Variants in ADGRV1 observed in about 807,000 individuals in gnomAD.
The protein encoded by ADGRV1 is adhesion G protein-coupled receptor V1.
In ADGRV1, 359 loss-of-function variants were observed where a neutral mutation model predicts 596.2. The ratio of observed to expected loss-of-function variants is 0.60; its 90% CI spans 0.55 to 0.66. The LOEUF (loss-of-function observed/expected upper bound fraction) is 0.66, where lower values mean the gene tolerates loss of function less well. Ranked by LOEUF, ADGRV1 falls within the 30% of genes least tolerant of loss-of-function variation. The probability of loss-of-function intolerance (pLI) is 0.00; values close to 1 mark genes in which losing one functional copy is unlikely to be tolerated. For synonymous variants in ADGRV1, 2,681 were observed against 2,679.2 expected (o/e 1.00, Z -0.02); for missense variants, 7,274 against 7,575.6 (o/e 0.96, Z 1.48).
intron 74 of ADGRV1, among the ~76,000 whole-genome samples, chr5:90,814,264 A>G (rs1762702590): frequency 1.3e-5 from 2 of 152,174 alleles, no homozygotes; most frequent in Admixed American, 1.3e-4. Flanking sequence ...GGGGCTCCAC[A>G]TTTACTTTAA....
intron 1 of ADGRV1, among the ~76,000 whole-genome samples, chr5:90,594,967 G>A (rs1388839523): frequency 3.2e-4 from 48 of 147,966 alleles, no homozygotes; most frequent in Non-Finnish European, 3.4e-4. Flanking sequence ...AGCCGCCATT[G>A]TCATCCTGGC....
chr5:90,576,149 A>G (rs1019386565), intron 1 of ADGRV1, among the ~76,000 whole-genome samples: 1 of 152,088 alleles, frequency 6.6e-6, no homozygotes, highest in African/African-American at 2.4e-5. Context: ...GTTCTAGGGT[A>G]CATGTGCACA....
intron 83 of ADGRV1, among the ~76,000 whole-genome samples, chr5:90,956,214 A>G (rs559077980): frequency 5.3e-5 from 8 of 152,304 alleles, no homozygotes; most frequent in African/African-American, 1.9e-4. Context: ...AAATAAGTTT[A>G]CTGTACAATT....
At chr5:91,060,848 T>C (rs768713867) in intron 85 of ADGRV1, among the ~76,000 whole-genome samples, 2 of 152,238 alleles carry the variant, frequency 1.3e-5, no homozygotes, top group African/African-American at 4.8e-5. Context: ...GTCAGTGTAA[T>C]GTGGCTACTG....
intron 6 of ADGRV1, 75 bp downstream of exon 6, chr5:90,625,318 A>G: frequency 4.5e-6 from 4 of 882,936 alleles, no homozygotes; most frequent in Non-Finnish European, 5.5e-6. Flanking sequence ...AACTTAGTGT[A>G]TTGTGGCCAG....
At chr5:90,866,468 T>C (rs2438345) in intron 83 of ADGRV1, among the ~76,000 whole-genome samples, 90,813 of 151,674 alleles carry the variant, frequency 0.6, 27,608 homozygotes, top group East Asian at 0.83. Flanking sequence ...CTATAAAATA[T>C]CAGTAGGTGG....
chr5:90,574,006 G>A (rs1332406705), intron 1 of ADGRV1, among the ~76,000 whole-genome samples: 1 of 152,072 alleles, frequency 6.6e-6, no homozygotes, highest in Non-Finnish European at 1.5e-5. Flanking sequence ...TGTTCCATTG[G>A]TCTTTGTTTC....
intron 86 of ADGRV1, among the ~76,000 whole-genome samples, chr5:91,099,633 C>T (rs187745594): frequency 5.3e-5 from 8 of 152,098 alleles, no homozygotes; most frequent in Non-Finnish European, 7.4e-5. Flanking sequence ...TAGCGGGGTG[C>T]GGTGGCTCAC....
chr5:90,871,281 T>G (rs1264853974), intron 83 of ADGRV1, among the ~76,000 whole-genome samples: 1 of 152,100 alleles, frequency 6.6e-6, no homozygotes, highest in Non-Finnish European at 1.5e-5. Context: ...AAATATTATT[T>G]TATTTTTGCT....
intron 21 of ADGRV1, among the ~76,000 whole-genome samples, chr5:90,669,462 T>C (rs1220779786): frequency 6.6e-6 from 1 of 152,156 alleles, no homozygotes; most frequent in African/African-American, 2.4e-5. Context: ...AAGGACTTGG[T>C]CGTTGACACT....
At chr5:91,102,544 C>T (rs891287040) in intron 87 of ADGRV1, among the ~76,000 whole-genome samples, 1 of 152,176 alleles carries the variant, frequency 6.6e-6, no homozygotes, top group Non-Finnish European at 1.5e-5. Flanking sequence ...GCTCATTATA[C>T]AATTAGGGAA....
intron 83 of ADGRV1, among the ~76,000 whole-genome samples, chr5:90,944,899 C>T (rs1776444123): frequency 6.6e-6 from 1 of 152,108 alleles, no homozygotes; most frequent in African/African-American, 2.4e-5. Context: ...TTTGATTAAA[C>T]ATGATTTTGT....
At chr5:91,051,176 C>A (rs1210377078) in intron 85 of ADGRV1, among the ~76,000 whole-genome samples, 1 of 152,100 alleles carries the variant, frequency 6.6e-6, no homozygotes, top group Non-Finnish European at 1.5e-5. Flanking sequence ...GAATTTCATC[C>A]CATAAACTGA....
chr5:90,734,860 G>C (rs1011512637), intron 50 of ADGRV1, among the ~76,000 whole-genome samples: 6 of 152,108 alleles, frequency 3.9e-5, no homozygotes, highest in African/African-American at 1.4e-4. Flanking sequence ...GCCCGGCCTA[G>C]CCTATTTTTT....
intron 86 of ADGRV1, among the ~76,000 whole-genome samples, chr5:91,072,887 A>C (rs1351821634): frequency 6.6e-6 from 1 of 152,180 alleles, no homozygotes; most frequent in Admixed American, 6.5e-5. Context: ...CCAAGCTTTC[A>C]TTAAGTGAAG....
At chr5:90,912,704 A>T (rs577643620) in intron 83 of ADGRV1, among the ~76,000 whole-genome samples, 1 of 152,234 alleles carries the variant, frequency 6.6e-6, no homozygotes, top group Admixed American at 6.5e-5. Flanking sequence ...TTTGCTTAGG[A>T]TAATAGCCTC....
intron 85 of ADGRV1, among the ~76,000 whole-genome samples, chr5:91,009,554 T>C (rs533299315): frequency 5.4e-4 from 82 of 152,254 alleles, no homozygotes; most frequent in African/African-American, 1.9e-3. Context: ...CTTTGCTCTA[T>C]CATATAGTAA....
chr5:90,747,727 A>T (rs974078993), intron 52 of ADGRV1, among the ~76,000 whole-genome samples: 27 of 152,208 alleles, frequency 1.8e-4, no homozygotes, highest in African/African-American at 6.3e-4. Flanking sequence ...AGCATAAACC[A>T]CAATTATTAC....
At chr5:90,778,721 C>T (rs1758524188) in intron 63 of ADGRV1, 112 bp downstream of exon 63, 1 of 1,057,216 alleles carries the variant, frequency 9.5e-7, no homozygotes, top group Non-Finnish European at 1.3e-6. Context: ...CTCCAAACAT[C>T]ATTATTTTAA....
Sources: gnomAD v4.1 joint callset for allele counts (sites outside exome capture counted in the v4.1 genomes callset) on GRCh38, gnomAD v4.1.1 for gene constraint, MANE v1.5 for transcripts, NCBI Gene and HGNC (gene_info 2026-07-23, HGNC 2026-07-21) for gene names.